Variants in ITGB3BP observed in about 807,000 individuals in gnomAD.
ITGB3BP encodes the protein centromere protein R.
A neutral mutation model predicts 29.1 loss-of-function variants in ITGB3BP; 27 were observed. The observed-to-expected ratio is 0.93, with a 90% CI of 0.68 to 1.28. The LOEUF is 1.28. ITGB3BP is among the 50% of genes most tolerant of loss of function. ITGB3BP has a pLI of 0.00. For synonymous variants in ITGB3BP, 61 were observed against 61.4 expected (o/e 0.99, Z 0.03); for missense variants, 192 against 200.2 (o/e 0.96, Z 0.25).
intron 1 of ITGB3BP, among the ~76,000 whole-genome samples, chr1:63,510,951 A>G (rs1469486038): frequency 6.6e-6 from 1 of 152,192 alleles, no homozygotes; most frequent in African/African-American, 2.4e-5. Flanking sequence ...AAGAATAGGT[A>G]AAATTTGATT....
At chr1:63,492,039 A>G (rs1414650462) in intron 2 of ITGB3BP, among the ~76,000 whole-genome samples, 1 of 152,194 alleles carries the variant, frequency 6.6e-6, no homozygotes, top group Non-Finnish European at 1.5e-5. Flanking sequence ...ACCCTAATGT[A>G]CATCTATATC....
At chr1:63,475,520 A>T (rs1389786910) in intron 4 of ITGB3BP, among the ~76,000 whole-genome samples, 1 of 152,218 alleles carries the variant, frequency 6.6e-6, no homozygotes, top group Non-Finnish European at 1.5e-5. Context: ...GTGCCACTGC[A>T]CTTCAGCATG....
chr1:63,472,707 C>T (rs1645226832), intron 4 of ITGB3BP, among the ~76,000 whole-genome samples: 1 of 151,170 alleles, frequency 6.6e-6, no homozygotes, highest in Non-Finnish European at 1.5e-5. Context: ...CAGCTCCTAA[C>T]CGCGAGTGAT....
rs753518197 is a variant in ITGB3BP at position 63,523,168 on chromosome 1, A to AT, written c.-36_-35insA. On this transcript the variant is annotated 5_prime_UTR_variant, in exon 1 of 9. Transcript: ENST00000271002. ...CGGGAAAGCACCACTGCCGCTGAAT[A>AT]AAACGAACCCAGCAACTTCCGAAAA... The AT allele has an allele frequency of 3.1e-6, 5 of 1,613,678 alleles. No individual in the cohort carries two copies. The highest frequency in any genetic ancestry group is 4.2e-6 in the Non-Finnish European group (5 of 1,179,966).
rs1054384078 is a variant in ITGB3BP, at chr1:63,491,541, G to A, written c.49-1323C>T. Among the ~76,000 whole-genome samples the A allele has an allele frequency of 8.5e-5, 13 of 152,184 alleles. No individual in the cohort carries two copies. In the East Asian group the frequency reaches 2.3e-3, roughly 27 times the overall value. On this transcript the variant is annotated intron_variant, in intron 2 of 8. Transcript: ENST00000271002. Reference sequence around the variant, plus strand: ...AACATACTGGATATAGCTTGGTAGAGGATTTGAAATAGTTCCTTAACTCTG... The same window carrying A: ...AACATACTGGATATAGCTTGGTAGAAGATTTGAAATAGTTCCTTAACTCTG...
intron 8 of ITGB3BP, among the ~76,000 whole-genome samples, chr1:63,445,229 T>G (rs1644776121): frequency 6.6e-6 from 1 of 152,096 alleles, no homozygotes; most frequent in Non-Finnish European, 1.5e-5. Context: ...GAGGTTTCAG[T>G]GAGCCGAGAT....
intron 2 of ITGB3BP, among the ~76,000 whole-genome samples, chr1:63,500,097 CG>C (rs1336222018): frequency 1.3e-5 from 2 of 151,960 alleles, no homozygotes; most frequent in Non-Finnish European, 2.9e-5. Context: ...CTAAGTAGGG[CG>C]GGGGGGCTGT....
intron 4 of ITGB3BP, among the ~76,000 whole-genome samples, chr1:63,460,650 A>G (rs2100533310): frequency 6.6e-6 from 1 of 152,322 alleles, no homozygotes; most frequent in African/African-American, 2.4e-5. Flanking sequence ...TATTTTGGGC[A>G]TATACCTAGG....
chr1:63,525,534 C>T (rs759944228), upstream of ITGB3BP: 2 of 1,407,930 alleles, frequency 1.4e-6, no homozygotes, highest in Non-Finnish European at 1.9e-6. Flanking sequence ...TTTAGTGACT[C>T]ACATTGACAA....
At position 63,478,752 on chromosome 1, in the gene ITGB3BP, TAAC is replaced by T. The variant is rs780782057; in HGVS notation, c.254+9_254+11del. 3.8e-6 allele frequency: 5 copies of T among 1,324,614 alleles called. No homozygotes were observed. In the South Asian group the frequency reaches 4.1e-5, roughly 11 times the overall value. 82.1% of individuals were successfully genotyped at this position (1,324,614 alleles called of 1,614,324 possible). ...AGATACACATATATAATTTCAAAAA[TAAC>T]AAACTTACTCATCATTGTCTTTTGT... On this transcript the variant is annotated intron_variant, in intron 4 of 8. Coordinates refer to ENST00000271002, the MANE Select transcript of ITGB3BP (RefSeq NM_014288.5).
intron 8 of ITGB3BP, among the ~76,000 whole-genome samples, chr1:63,443,787 CAA>C (rs759655356): frequency 1.3e-5 from 2 of 151,648 alleles, no homozygotes; most frequent in Non-Finnish European, 2.9e-5. Context: ...GATGTGGGGA[CAA>C]AGAGAGAGAG....
At chr1:63,505,707 T>C (rs562264804) in intron 2 of ITGB3BP, among the ~76,000 whole-genome samples, 2 of 152,320 alleles carry the variant, frequency 1.3e-5, no homozygotes, top group South Asian at 2.1e-4. Context: ...GATTCTGGTA[T>C]GTTGTATCTT....
At chr1:63,471,999 G>A (rs962003371) in intron 4 of ITGB3BP, among the ~76,000 whole-genome samples, 2 of 150,886 alleles carry the variant, frequency 1.3e-5, no homozygotes, top group Non-Finnish European at 2.9e-5. Flanking sequence ...TGGCCAGGCT[G>A]GTCTCAAGCT....
Position 63,454,397 on chromosome 1 carries a change from T to G in ITGB3BP, c.410A>C (p.Gln137Pro), listed in dbSNP as rs1644903449. The change falls in exon 6 of 9, where the codon CAG (glutamine) becomes CCG (proline). Residue 137 changes from glutamine to proline, a missense_variant. Physicochemically the swap from Gln to Pro is moderately conservative, Grantham distance 76. Coordinates refer to ENST00000271002, the MANE Select transcript of ITGB3BP (RefSeq NM_014288.5). The surrounding 1 kb of genome is among the most constrained non-coding windows in gnomAD (Gnocchi z 4.1). The part of the protein sequence containing the change: ...CASHFLKREM[Q>P]KTKELMTKVN... ...ATTCTTACTTAGTTCTTTGGTTTTCTGCATTTCTCTTTTTAAGAAATGTGA... is the reference window on the plus strand; with the variant it reads ...ATTCTTACTTAGTTCTTTGGTTTTCGGCATTTCTCTTTTTAAGAAATGTGA... 6.3e-7 allele frequency: 1 copy of G among 1,584,388 alleles called. No homozygotes were observed. The highest frequency in any genetic ancestry group is 1.3e-5 in the African/African-American group (1 of 74,168).
At chr1:63,513,641 A>G (rs1646249472) in intron 1 of ITGB3BP, among the ~76,000 whole-genome samples, 1 of 152,100 alleles carries the variant, frequency 6.6e-6, no homozygotes, top group African/African-American at 2.4e-5. Flanking sequence ...ACACAAAAAC[A>G]TTTCTATCTA....
At chr1:63,507,462 T>C (rs778562536) in intron 2 of ITGB3BP, among the ~76,000 whole-genome samples, 7 of 152,064 alleles carry the variant, frequency 4.6e-5, no homozygotes, top group Non-Finnish European at 7.4e-5. Context: ...AATGTTACCA[T>C]CTCCCAAAGA....
intron 4 of ITGB3BP, among the ~76,000 whole-genome samples, chr1:63,459,077 GA>G (rs56370411): frequency 1.1e-3 from 150 of 140,550 alleles, no homozygotes; most frequent in Middle Eastern, 3.8e-3. Context: ...CAGTACTATG[GA>G]AAAAAAAAAA....
At chr1:63,490,314 G>T in intron 2 of ITGB3BP, 96 bp from the exon 3 acceptor site, 2 of 794,670 alleles carry the variant, frequency 2.5e-6, no homozygotes, top group Non-Finnish European at 3.9e-6. Flanking sequence ...ATTCAAACTT[G>T]TTTCCTTGCT....
At chr1:63,461,816 T>C (rs1214802088) in intron 4 of ITGB3BP, among the ~76,000 whole-genome samples, 4 of 152,216 alleles carry the variant, frequency 2.6e-5, no homozygotes, top group South Asian at 2.1e-4. Flanking sequence ...TTCTATTCCA[T>C]TGGTCTCTAT....
Sources: gnomAD v4.1 joint callset for allele counts (sites outside exome capture counted in the v4.1 genomes callset) on GRCh38, gnomAD v4.1.1 for gene constraint, Gnocchi (gnomAD v3.1) non-coding constraint, MANE v1.5 for transcripts, NCBI Gene and HGNC (gene_info 2026-07-23, HGNC 2026-07-21) for gene names.